The following PSTPIP1 variants were observed in gnomAD, a reference collection of about 807,000 sequenced individuals.
PSTPIP1 encodes the protein proline-serine-threonine phosphatase-interacting protein 1.
PSTPIP1 carries 66 observed loss-of-function variants against 69.6 expected under a neutral mutation model. The observed-to-expected ratio is 0.95, with a 90% CI of 0.78 to 1.16. The LOEUF is 1.16. PSTPIP1 is among the 50% of genes most tolerant of loss of function. The probability of loss-of-function intolerance (pLI) is 0.00; values close to 1 mark genes in which losing one functional copy is unlikely to be tolerated. For missense variants in PSTPIP1, 603 were observed against 557.4 expected, an observed-to-expected ratio of 1.08 and a Z score of -0.82; for synonymous variants, 266 against 222.7, an observed-to-expected ratio of 1.19 and a Z score of -1.73.
intron 1 of PSTPIP1, among the ~76,000 whole-genome samples, chr15:77,005,992 A>G (rs1020828330): frequency 3.3e-5 from 5 of 152,176 alleles, no homozygotes; most frequent in Admixed American, 2.6e-4. Context: ...ATTCTTTTAG[A>G]TTATACCTAG....
At chr15:77,032,841 C>T (rs748514164) in intron 11 of PSTPIP1, 21 bp from the exon 12 acceptor site, 5 of 1,551,694 alleles carry the variant, frequency 3.2e-6, no homozygotes, top group Admixed American at 1.9e-5. Context: ...CGCCCTGGGG[C>T]TCACGGCTTG....
upstream of PSTPIP1, chr15:76,995,080 C>T (rs2075542780): frequency 1.7e-6 from 2 of 1,178,650 alleles, no homozygotes; most frequent in African/African-American, 1.6e-5. Context: ...AGCAACTCCA[C>T]TTCCTGTGGG....
chr15:76,998,247 T>A (rs2075622817), intron 1 of PSTPIP1, among the ~76,000 whole-genome samples: 1 of 152,098 alleles, frequency 6.6e-6, no homozygotes, highest in Non-Finnish European at 1.5e-5. Flanking sequence ...GGGACCCTAC[T>A]TTGGCTAAAC....
chr15:77,007,850 TC>T (rs1358927183), intron 1 of PSTPIP1: 1 of 454,290 alleles, frequency 2.2e-6, no homozygotes, highest in African/African-American at 2.0e-5. Context: ...CGTCTAGGCC[TC>T]CCAAAGTGCT....
intron 1 of PSTPIP1, among the ~76,000 whole-genome samples, chr15:77,017,141 C>T (rs2076067015): frequency 6.6e-6 from 1 of 152,168 alleles, no homozygotes; most frequent in Admixed American, 6.5e-5. Flanking sequence ...AGCCTGCGTG[C>T]AGTGCCTGGG....
intron 1 of PSTPIP1, among the ~76,000 whole-genome samples, chr15:77,017,299 T>G: frequency 6.6e-6 from 1 of 152,056 alleles, no homozygotes; most frequent in East Asian, 1.9e-4. Flanking sequence ...CACCAGCAGC[T>G]CAGACACACA....
chr15:77,035,814 C>T lies in PSTPIP1; in HGVS notation c.998C>T (p.Thr333Ile). ...ACCCTGCTCTTAGCGTCCACAGAGA[C>T]CCTGACCCCCACCCCCGAGCGGAAT... The part of the protein sequence containing the change: ...SLAASAASTE[T>I]LTPTPERNEG... Residue 333 changes from threonine to isoleucine, a missense_variant, in exon 14 of 15, where the codon ACC becomes ATC. Physicochemically the swap from Thr to Ile is moderately conservative, Grantham distance 89. Transcript: ENST00000558012. The T allele has an allele frequency of 1.2e-6, 2 of 1,608,506 alleles. No individual in the cohort carries two copies. Among genetic ancestry groups the T allele is most frequent in the East Asian group, 2.2e-5 (1 of 44,854 alleles).
intron 4 of PSTPIP1, 71 bp downstream of exon 4, chr15:77,025,389 A>G (rs2076256279): frequency 1.4e-5 from 22 of 1,579,996 alleles, no homozygotes; most frequent in Non-Finnish European, 1.7e-5. Context: ...GGGGGGACAG[A>G]AGATGAGGTG....
rs753802611 is a variant in PSTPIP1 at position 77,035,409 on chromosome 15, G to C, written c.930-99G>C. 10 of 1,232,198 alleles carry C rather than the reference G, an allele frequency of 8.1e-6. No individual in the cohort carries two copies. The African/African-American group carries it at 1.4e-4, about 17-fold the overall frequency. 76.3% of individuals were successfully genotyped at this position (1,232,198 alleles called of 1,614,324 possible). On this transcript the variant is annotated intron_variant, in intron 12 of 14. Coordinates refer to ENST00000558012, the MANE Select transcript of PSTPIP1 (RefSeq NM_003978.5). ...GGGGCAGTCCCAGCCCTGGCAGAGC[G>C]CGTGCAGCTCTGAGACCTCTCCCTG...
Position 77,027,920 on chromosome 15 carries a change from C to G in PSTPIP1, c.417+6C>G, listed in dbSNP as rs2076320514. 1 of 1,556,406 alleles carries G rather than the reference C, an allele frequency of 6.4e-7. No individual in the cohort carries two copies. Among genetic ancestry groups the G allele is most frequent in the Non-Finnish European group, 8.7e-7 (1 of 1,150,040 alleles). Reference sequence around the variant, plus strand: ...TCTACAAGAAGGCCATGGAGGTGAGCGCCAGGGCCTGGGGCCGCGGCCTTC... The same window carrying G: ...TCTACAAGAAGGCCATGGAGGTGAGGGCCAGGGCCTGGGGCCGCGGCCTTC... On this transcript the variant is annotated splice_donor_region_variant and intron_variant, in intron 6 of 14. Coordinates refer to ENST00000558012, the MANE Select transcript of PSTPIP1 (RefSeq NM_003978.5). This position sits in a 1 kb window ranked among gnomAD's most constrained non-coding sequence, Gnocchi z 4.3.
upstream of PSTPIP1, chr15:76,994,791 T>A (rs1314540906): frequency 2.3e-6 from 3 of 1,289,086 alleles, no homozygotes; most frequent in Non-Finnish European, 2.0e-6. Context: ...CAGGGTTTGA[T>A]GAATGACAGA....
At chr15:77,028,052 G>T (rs1316135727) in intron 6 of PSTPIP1, 138 bp downstream of exon 6, 1 of 837,384 alleles carries the variant, frequency 1.2e-6, no homozygotes, top group African/African-American at 1.7e-5. Flanking sequence ...TCGGCCTTGG[G>T]CGCACCAGCC....
At chr15:77,009,318 G>T (rs2075885469) in intron 1 of PSTPIP1, among the ~76,000 whole-genome samples, 1 of 152,110 alleles carries the variant, frequency 6.6e-6, no homozygotes, top group Admixed American at 6.6e-5. Context: ...TAGGAGTGGA[G>T]CTCCTCTGAA....
chr15:77,013,937 G>A (rs1041301226), intron 1 of PSTPIP1, among the ~76,000 whole-genome samples: 3 of 151,668 alleles, frequency 2.0e-5, no homozygotes, highest in Non-Finnish European at 2.9e-5. Flanking sequence ...GGCGAGAGGG[G>A]AGGTGATGAG....
At chr15:76,996,229 TC>T (rs2075576393) in intron 1 of PSTPIP1, among the ~76,000 whole-genome samples, 1 of 152,168 alleles carries the variant, frequency 6.6e-6, no homozygotes, top group Admixed American at 6.5e-5. Flanking sequence ...TTGCTTACTT[TC>T]TTAAATTCAA....
chr15:77,013,271 C>T (rs542414752), intron 1 of PSTPIP1, among the ~76,000 whole-genome samples: 1 of 152,354 alleles, frequency 6.6e-6, no homozygotes, highest in Admixed American at 6.5e-5. Context: ...CACAATTTCA[C>T]TCTCATTCAA....
chr15:77,032,925 T>C lies in PSTPIP1; in HGVS notation c.902T>C (p.Ile301Thr), dbSNP rs757324764. 19 of 1,605,590 alleles carry C rather than the reference T, an allele frequency of 1.2e-5. No homozygotes were observed. The highest frequency in any genetic ancestry group is 1.6e-5 in the Non-Finnish European group (19 of 1,176,574). ...EVTPLTSSPG[I>T]QPSCGMIKRF... Reference sequence around the variant, plus strand: ...ACCCCGCTGACCAGCAGCCCTGGCATACAGCCGTCCTGCGGCATGATAAAG... The same window carrying C: ...ACCCCGCTGACCAGCAGCCCTGGCACACAGCCGTCCTGCGGCATGATAAAG... Residue 301 changes from isoleucine to threonine, a missense_variant, in exon 12 of 15, where the codon ATA (isoleucine) becomes ACA (threonine). Physicochemically the swap from Ile to Thr is moderately conservative, Grantham distance 89. Coordinates refer to ENST00000558012, the MANE Select transcript of PSTPIP1 (RefSeq NM_003978.5).
chr15:77,028,864 C>G (rs1006382601), intron 7 of PSTPIP1, among the ~76,000 whole-genome samples: 9 of 152,218 alleles, frequency 5.9e-5, no homozygotes, highest in African/African-American at 2.2e-4. Flanking sequence ...CCTTTGCCAC[C>G]GTCAGGCGGC....
intron 1 of PSTPIP1, 133 bp downstream of exon 1, chr15:76,995,742 T>G: frequency 6.6e-7 from 1 of 1,520,210 alleles, no homozygotes; most frequent in Non-Finnish European, 9.0e-7. Flanking sequence ...TTGGTCTTAA[T>G]TGTCATGGAG....
Sources: allele counts gnomAD v4.1 joint callset (sites outside exome capture counted in the v4.1 genomes callset), GRCh38; gene constraint gnomAD v4.1.1; non-coding constraint Gnocchi (gnomAD v3.1); transcripts MANE v1.5; gene names NCBI Gene and HGNC (gene_info 2026-07-23, HGNC 2026-07-21).